The following RIGI variants were observed in gnomAD, a reference collection of about 807,000 sequenced individuals.
The protein encoded by RIGI is RNA sensor RIG-I.
chr9:32,495,745 C>T, the RIGI span, among the ~76,000 whole-genome samples: 1 of 149,636 alleles, frequency 6.7e-6, no homozygotes, highest in African/African-American at 2.5e-5. Flanking sequence ...CTGCAACATC[C>T]ACCTCCTGGG....
At chr9:32,485,131 C>T in the RIGI span, 1 of 1,372,598 alleles carries the variant, frequency 7.3e-7, no homozygotes, top group Non-Finnish European at 1.0e-6. Flanking sequence ...CAATAAATGG[C>T]TATTCCCCAG....
chr9:32,500,907 T>C, the RIGI span: 1 of 1,614,066 alleles, frequency 6.2e-7, no homozygotes, highest in Admixed American at 1.7e-5. Flanking sequence ...GGGCCCTTGT[T>C]GTTTTTCTCA....
At chr9:32,519,886 A>G in the RIGI span, among the ~76,000 whole-genome samples, 1 of 152,210 alleles carries the variant, frequency 6.6e-6, no homozygotes, top group African/African-American at 2.4e-5. Flanking sequence ...TGAAAACAAA[A>G]TATGTACATA....
the RIGI span, among the ~76,000 whole-genome samples, chr9:32,501,620 T>C: frequency 6.6e-6 from 1 of 152,200 alleles, no homozygotes; most frequent in Admixed American, 6.5e-5. Flanking sequence ...ACTAATTTCA[T>C]GCCCAGGGAG....
chr9:32,509,994 G>A, the RIGI span, among the ~76,000 whole-genome samples: 58 of 151,960 alleles, frequency 3.8e-4, no homozygotes, highest in South Asian at 2.1e-4. Flanking sequence ...ATCAGAGATT[G>A]AAGATGAATT....
chr9:32,459,321 T>C, the RIGI span: 1 of 1,591,630 alleles, frequency 6.3e-7, no homozygotes, highest in Non-Finnish European at 8.6e-7. Context: ...AACAGTAAGC[T>C]GTAGCTAGTG....
the RIGI span, chr9:32,488,719 A>T: frequency 1.3e-6 from 2 of 1,541,716 alleles, no homozygotes; most frequent in Non-Finnish European, 1.7e-6. Flanking sequence ...AAGTTGAAGC[A>T]ACTATTATAC....
At chr9:32,488,898 G>A in the RIGI span, 4 of 1,583,034 alleles carry the variant, frequency 2.5e-6, no homozygotes, top group African/African-American at 5.5e-5. Context: ...CTTTTAACAT[G>A]TAAGGAAAAA....
the RIGI span, among the ~76,000 whole-genome samples, chr9:32,486,878 C>T: frequency 2.0e-5 from 3 of 152,172 alleles, no homozygotes; most frequent in African/African-American, 7.2e-5. Flanking sequence ...TACACCACTC[C>T]CTATTACATG....
the RIGI span, chr9:32,493,969 C>G: frequency 1.3e-6 from 2 of 1,514,494 alleles, no homozygotes; most frequent in Non-Finnish European, 1.8e-6. Flanking sequence ...AAAATGTGGA[C>G]TTTTATGAAA....
chr9:32,506,942 A>G, the RIGI span, among the ~76,000 whole-genome samples: 62 of 152,338 alleles, frequency 4.1e-4, no homozygotes, highest in Non-Finnish European at 8.7e-4. Flanking sequence ...AAAATATATA[A>G]TATGTTGGCT....
At chr9:32,473,037 G>A in the RIGI span, 2 of 1,610,524 alleles carry the variant, frequency 1.2e-6, no homozygotes, top group South Asian at 1.1e-5. Context: ...ACTGAGTTTA[G>A]GATTTCCTTC....
the RIGI span, among the ~76,000 whole-genome samples, chr9:32,513,364 C>T: frequency 2.0e-5 from 3 of 152,096 alleles, no homozygotes; most frequent in Non-Finnish European, 4.4e-5. Flanking sequence ...GTACTGCTAC[C>T]AAAACAGATT....
chr9:32,467,243 A>C, the RIGI span, among the ~76,000 whole-genome samples: 1 of 151,664 alleles, frequency 6.6e-6, no homozygotes, highest in Non-Finnish European at 1.5e-5. Flanking sequence ...GAAACTCTTT[A>C]GCATCAAGTA....
At chr9:32,469,874 C>CA in the RIGI span, among the ~76,000 whole-genome samples, 20,508 of 152,146 alleles carry the variant, frequency 0.13, 1,427 homozygotes, top group Middle Eastern at 0.19. Flanking sequence ...GATCTCCACT[C>CA]ACTGCTCACA....
At chr9:32,486,153 AAGT>A in the RIGI span, among the ~76,000 whole-genome samples, 3 of 152,110 alleles carry the variant, frequency 2.0e-5, no homozygotes, top group Admixed American at 1.3e-4. Context: ...TCTCTAACAG[AAGT>A]ACATGTAAAG....
At chr9:32,504,867 A>T in the RIGI span, among the ~76,000 whole-genome samples, 2,077 of 130,858 alleles carry the variant, frequency 0.016, 25 homozygotes, top group Middle Eastern at 0.044. Context: ...AAATATATAA[A>T]ATATATTTAA....
chr9:32,524,855 C>A, the RIGI span, among the ~76,000 whole-genome samples: 1 of 152,014 alleles, frequency 6.6e-6, no homozygotes, highest in Non-Finnish European at 1.5e-5. Context: ...CCCGCCTAGG[C>A]CTCCCAAAGT....
At chr9:32,519,224 G>A in the RIGI span, among the ~76,000 whole-genome samples, 1 of 151,734 alleles carries the variant, frequency 6.6e-6, no homozygotes, top group Non-Finnish European at 1.5e-5. Flanking sequence ...TCTTCTTTAG[G>A]TTTTACTTAT....
Sources: gnomAD v4.1 joint callset for allele counts (sites outside exome capture counted in the v4.1 genomes callset) on GRCh38, gnomAD v4.1.1 for gene constraint, MANE v1.5 for transcripts, NCBI Gene and HGNC (gene_info 2026-07-23, HGNC 2026-07-21) for gene names.